Variants in DGKB observed in about 807,000 individuals in gnomAD.
DGKB encodes diacylglycerol kinase beta.
In DGKB, 67 loss-of-function variants were observed where a neutral mutation model predicts 114.3. That is an observed-to-expected ratio of 0.59 (90% CI 0.48 to 0.72). The LOEUF is 0.72. Ranked by LOEUF, DGKB falls within the 30% of genes least tolerant of loss-of-function variation. The probability of loss-of-function intolerance (pLI) is 0.00; values close to 1 mark genes in which losing one functional copy is unlikely to be tolerated. For missense variants in DGKB, 907 were observed against 975.2 expected (o/e 0.93, Z 0.93); for synonymous variants, 398 against 323.1 (o/e 1.23, Z -2.49).
At chr7:14,803,102 CCATTTACT>C (rs1842383004) in intron 2 of DGKB, among the ~76,000 whole-genome samples, 1 of 148,080 alleles carries the variant, frequency 6.8e-6, no homozygotes, top group Non-Finnish European at 1.5e-5. Context: ...TTTTTTTTTT[CCATTTACT>C]CATTTACTTA....
At chr7:14,235,268 C>T (rs896882313) in intron 23 of DGKB, among the ~76,000 whole-genome samples, 3 of 151,980 alleles carry the variant, frequency 2.0e-5, no homozygotes, top group Admixed American at 6.6e-5. Context: ...TTCATTGTCC[C>T]GCACTGTTCT....
In DGKB at chr7:14,694,150, T is replaced by A. The variant is rs1325424824; in HGVS notation, c.636A>T (p.Gly212=). ...GAATCCATTCCTCCAGAGACACGGTTCCATCATGATCATAGTCAATTTCTT... is the reference window on the plus strand; with the variant it reads ...GAATCCATTCCTCCAGAGACACGGTACCATCATGATCATAGTCAATTTCTT... ...MMEEIDYDHD[G]TVSLEEWIQG... is the part of the protein sequence containing the mutation. The change falls in exon 9 of 26, where the codon GGA becomes GGT. Residue 212 remains glycine, a synonymous_variant. Transcript: ENST00000402815. 3 of 1,586,042 alleles carry A rather than the reference T, an allele frequency of 1.9e-6. No individual in the cohort carries two copies. Among genetic ancestry groups the A allele is most frequent in the Non-Finnish European group, 2.6e-6 (3 of 1,164,380 alleles).
intron 5 of DGKB, among the ~76,000 whole-genome samples, chr7:14,729,681 C>T (rs904606925): frequency 6.6e-6 from 1 of 152,206 alleles, no homozygotes; most frequent in Non-Finnish European, 1.5e-5. Context: ...TTCACCTCCT[C>T]TTTTCCTCTA....
chr7:14,358,301 C>G (rs958411040), intron 21 of DGKB, among the ~76,000 whole-genome samples: 1 of 152,040 alleles, frequency 6.6e-6, no homozygotes. Flanking sequence ...CTTTTTACTC[C>G]TTTTTTGTCT....
chr7:14,615,570 A>G (rs1806359572), intron 15 of DGKB, among the ~76,000 whole-genome samples: 1 of 151,892 alleles, frequency 6.6e-6, no homozygotes, highest in Admixed American at 6.6e-5. Context: ...TAAATGGAGA[A>G]ACAGATTAAA....
At chr7:14,364,771 A>C (rs1374176728) in intron 21 of DGKB, among the ~76,000 whole-genome samples, 3 of 152,028 alleles carry the variant, frequency 2.0e-5, no homozygotes, top group African/African-American at 7.2e-5. Context: ...TTTTATTTCC[A>C]ATAACCATCT....
intron 2 of DGKB, among the ~76,000 whole-genome samples, chr7:14,777,429 C>T (rs777084486): frequency 6.6e-6 from 1 of 152,058 alleles, no homozygotes; most frequent in Non-Finnish European, 1.5e-5. Flanking sequence ...TTTCCATAAT[C>T]CCCACATGTC....
At chr7:14,942,612 C>G (rs539558495) in intron 1 of DGKB, among the ~76,000 whole-genome samples, 1 of 151,982 alleles carries the variant, frequency 6.6e-6, no homozygotes, top group African/African-American at 2.4e-5. Flanking sequence ...CCATCTACCA[C>G]TCTTCCTCCA....
chr7:14,619,867 C>A (rs994130516), intron 15 of DGKB, among the ~76,000 whole-genome samples: 1 of 151,554 alleles, frequency 6.6e-6, no homozygotes, highest in African/African-American at 2.4e-5. Flanking sequence ...CTTAAGCTAT[C>A]CTATTTAACA....
At chr7:14,436,705 C>G (rs1829325497) in intron 21 of DGKB, among the ~76,000 whole-genome samples, 1 of 152,046 alleles carries the variant, frequency 6.6e-6, no homozygotes, top group South Asian at 2.1e-4. Context: ...TAGTGATTTT[C>G]CAGTGGTTCA....
At chr7:14,320,585 A>G (rs531074951) in intron 23 of DGKB, among the ~76,000 whole-genome samples, 1 of 151,722 alleles carries the variant, frequency 6.6e-6, no homozygotes, top group Non-Finnish European at 1.5e-5. Flanking sequence ...GTACATATAT[A>G]GTACATATAT....
chr7:14,561,461 G>A (rs1365543533), intron 20 of DGKB, among the ~76,000 whole-genome samples: 1 of 152,144 alleles, frequency 6.6e-6, no homozygotes, highest in East Asian at 1.9e-4. Context: ...ACGTGACTTT[G>A]GAATAGAGTG....
chr7:14,715,773 T>C (rs1357213082), intron 6 of DGKB, among the ~76,000 whole-genome samples: 1 of 152,340 alleles, frequency 6.6e-6, no homozygotes, highest in South Asian at 2.1e-4. Flanking sequence ...TTTCCTTCTA[T>C]GACATTTTGT....
chr7:14,397,302 G>A lies in DGKB; in HGVS notation c.1836-51911C>T, dbSNP rs565206080. Among the ~76,000 whole-genome samples the A allele has an allele frequency of 3.3e-5, 5 of 152,226 alleles. No homozygotes were observed. The South Asian group carries it at 6.2e-4, about 19-fold the overall frequency. ...GTGCGCTGACCTGTGGGAGTTTGCC[G>A]TTCTCTGTTTAAGCGTAGTGGTTGG... On this transcript the variant is annotated intron_variant, in intron 21 of 25. Coordinates refer to ENST00000402815, the MANE Select transcript of DGKB (RefSeq NM_001350709.2).
At chr7:14,443,467 G>C (rs976383162) in intron 21 of DGKB, among the ~76,000 whole-genome samples, 4 of 152,074 alleles carry the variant, frequency 2.6e-5, no homozygotes, top group African/African-American at 4.8e-5. Context: ...GCTTTGTGTA[G>C]AAACATATTT....
chr7:14,440,321 C>G (rs1324472252), intron 21 of DGKB, among the ~76,000 whole-genome samples: 1 of 152,052 alleles, frequency 6.6e-6, no homozygotes, highest in Non-Finnish European at 1.5e-5. Context: ...TTCATGAGAA[C>G]AGTTTGCTGT....
chr7:14,916,346 A>G (rs1195563129), intron 1 of DGKB, among the ~76,000 whole-genome samples: 1 of 152,076 alleles, frequency 6.6e-6, no homozygotes, highest in Admixed American at 6.5e-5. Context: ...CACCAATCCC[A>G]TTATATAAAT....
chr7:14,699,631 C>A (rs538617834), intron 7 of DGKB, among the ~76,000 whole-genome samples: 15 of 152,162 alleles, frequency 9.9e-5, no homozygotes, highest in African/African-American at 3.6e-4. Flanking sequence ...TGTTTTGCCT[C>A]CAGTAGGTGA....
intron 20 of DGKB, among the ~76,000 whole-genome samples, chr7:14,555,995 T>G (rs1190307915): frequency 6.6e-6 from 1 of 152,244 alleles, no homozygotes; most frequent in Admixed American, 6.5e-5. Context: ...TTCATTCCTT[T>G]GCTTTCTTAA....
Sources: allele counts gnomAD v4.1 joint callset (sites outside exome capture counted in the v4.1 genomes callset), GRCh38; gene constraint gnomAD v4.1.1; transcripts MANE v1.5; gene names NCBI Gene and HGNC (gene_info 2026-07-23, HGNC 2026-07-21).